The following TM9SF4 variants were observed in gnomAD, a reference collection of about 807,000 sequenced individuals.
TM9SF4 encodes the protein transmembrane 9 superfamily member 4.
Under a neutral mutation model 90.4 loss-of-function variants are expected in TM9SF4, and 26 were observed. The observed-to-expected ratio is 0.29, with a 90% confidence interval of 0.21 to 0.40. The LOEUF is 0.40. Ranked by LOEUF, TM9SF4 falls within the 10% of genes least tolerant of loss-of-function variation. TM9SF4 has a pLI of 1.00. For synonymous variants in TM9SF4, 293 were observed against 315.4 expected, an observed-to-expected ratio of 0.93 and a Z score of 0.75; for missense variants, 549 against 834.8, an observed-to-expected ratio of 0.66 and a Z score of 4.22.
Position 32,141,040 on chromosome 20 carries a change from AC to A in TM9SF4, c.230-453del, listed in dbSNP as rs554541067. Among the ~76,000 whole-genome samples the A allele has an allele frequency of 4.7e-4, 71 of 151,800 alleles. No individual in the cohort carries two copies. In the East Asian group the frequency reaches 0.013, roughly 27 times the overall value. Reference sequence around the variant, plus strand: ...AGACCATCCTGGCTAACAGGGTGAAACCCCGTCTCTACTAAAAATACAAAAA... The same window carrying A: ...AGACCATCCTGGCTAACAGGGTGAAACCCGTCTCTACTAAAAATACAAAAA... On this transcript the variant is annotated intron_variant, in intron 3 of 17. Transcript: ENST00000398022.
At chr20:32,146,044 C>T (rs2046757844) in intron 8 of TM9SF4, among the ~76,000 whole-genome samples, 1 of 152,208 alleles carries the variant, frequency 6.6e-6, no homozygotes, top group South Asian at 2.1e-4. Flanking sequence ...GGTAGAATGA[C>T]ACTGATGGTT....
rs746687547 is a variant in TM9SF4, at chr20:32,157,853, C to T, written c.1389C>T (p.Leu463=). ...TGTGGTTCGGGATCTCCCTGCCCCTCGTCTACTTGGGCTACTACTTCGGCT... is the reference window on the plus strand; with the variant it reads ...TGTGGTTCGGGATCTCCCTGCCCCTTGTCTACTTGGGCTACTACTTCGGCT... ...LCMWFGISLP[L]VYLGYYFGFR... Residue 463 remains leucine, a synonymous_variant, in exon 14 of 18, where the codon CTC becomes CTT. Coordinates refer to ENST00000398022, the MANE Select transcript of TM9SF4 (RefSeq NM_014742.4). 6.2e-6 allele frequency: 10 copies of T among 1,614,024 alleles called. No homozygotes were observed. Among genetic ancestry groups the T allele is most frequent in the East Asian group, 2.2e-5 (1 of 44,878 alleles).
intron 13 of TM9SF4, among the ~76,000 whole-genome samples, chr20:32,156,942 C>CTTTTTT (rs71185385): frequency 0.018 from 1,862 of 103,346 alleles, 176 homozygotes; most frequent in African/African-American, 0.054. Flanking sequence ...TGGACATTTT[C>CTTTTTT]TTTTTTTTTT....
At chr20:32,126,068 A>AACACACACACACAC (rs71185382) in intron 1 of TM9SF4, among the ~76,000 whole-genome samples, 1,611 of 138,638 alleles carry the variant, frequency 0.012, 35 homozygotes, top group African/African-American at 0.018. Flanking sequence ...CTTTCCCGTA[A>AACACACACACACAC]ACACACACAC....
At chr20:32,138,593 G>A (rs1391861189) in intron 3 of TM9SF4, among the ~76,000 whole-genome samples, 2 of 152,252 alleles carry the variant, frequency 1.3e-5, no homozygotes, top group Non-Finnish European at 2.9e-5. Context: ...GGAGGCAGAG[G>A]TTGCAGTGAG....
chr20:32,126,822 G>A (rs561571173), intron 1 of TM9SF4, among the ~76,000 whole-genome samples: 188 of 151,528 alleles, frequency 1.2e-3, no homozygotes, highest in Non-Finnish European at 2.3e-3. Context: ...TGCAACCTGC[G>A]CCTCCTGGGT....
intron 2 of TM9SF4, among the ~76,000 whole-genome samples, chr20:32,135,137 G>T (rs1310094048): frequency 6.6e-6 from 1 of 152,078 alleles, no homozygotes; most frequent in Non-Finnish European, 1.5e-5. Context: ...GTTCTATTTT[G>T]TCTGTGGTTT....
At position 32,133,064 on chromosome 20, in the gene TM9SF4, G is replaced by A. The variant is rs1314135481; in HGVS notation, c.67G>A (p.Ala23Thr). 6 of 1,614,118 alleles carry A rather than the reference G, an allele frequency of 3.7e-6. No homozygotes were observed. The highest frequency in any genetic ancestry group is 5.1e-6 in the Non-Finnish European group (6 of 1,180,018). The stretch of plus-strand genomic sequence containing the variant: ...TTTCTCCCTGATGTGTGAAACAAGC[G>A]CCTTCTATGTGCCTGGGGTCGCGCC... Reference protein sequence around the residue: ...LLFSLMCETSAFYVPGVAPIN... With the variant: ...LLFSLMCETSTFYVPGVAPIN... The change falls in exon 2 of 18, where the codon GCC (alanine) becomes ACC (threonine). Residue 23 changes from alanine (A) to threonine (T), a missense_variant. By Grantham distance (58) the Ala-to-Thr change is moderately conservative. Coordinates refer to ENST00000398022, the MANE Select transcript of TM9SF4 (RefSeq NM_014742.4).
chr20:32,154,721 G>A (rs1199850576), intron 12 of TM9SF4, among the ~76,000 whole-genome samples: 2 of 152,208 alleles, frequency 1.3e-5, no homozygotes, highest in Non-Finnish European at 2.9e-5. Flanking sequence ...CCAAAGTGCT[G>A]GGATTGCAGG....
Position 32,145,308 on chromosome 20 carries a change from C to T in TM9SF4, c.772-4C>T. On this transcript the variant is annotated splice_region_variant and splice_polypyrimidine_tract_variant and intron_variant, in intron 7 of 17. Coordinates refer to ENST00000398022, the MANE Select transcript of TM9SF4 (RefSeq NM_014742.4). ...GACTCTAAGTGCTTCCTCCCACCTG[C>T]CAGGAAAGTGATATCAAATGGGCCT... The T allele has an allele frequency of 6.2e-7, 1 of 1,613,930 alleles. No homozygotes were observed. Among genetic ancestry groups the T allele is most frequent in the Non-Finnish European group, 8.5e-7 (1 of 1,179,828 alleles).
intron 12 of TM9SF4, among the ~76,000 whole-genome samples, chr20:32,154,125 C>T (rs1297144846): frequency 1.3e-5 from 2 of 152,110 alleles, no homozygotes; most frequent in Non-Finnish European, 2.9e-5. Flanking sequence ...CCCAGACATA[C>T]GTGTTTTGTT....
intron 3 of TM9SF4, among the ~76,000 whole-genome samples, chr20:32,139,942 C>T (rs1388246656): frequency 1.3e-5 from 2 of 152,246 alleles, no homozygotes; most frequent in Non-Finnish European, 2.9e-5. Flanking sequence ...AGACCCACTC[C>T]CCTGTGTCTG....
chr20:32,146,786 T>C lies in TM9SF4; in HGVS notation c.885T>C (p.Gly295=), dbSNP rs745314626. The C allele has an allele frequency of 7.4e-6, 12 of 1,614,060 alleles. No homozygotes were observed. The South Asian group carries it at 1.3e-4, about 18-fold the overall frequency. ...NSVVVVFFLS[G]ILSMIIIRTL... Reference sequence around the variant, plus strand: ...CATCCTCACCGCCATCTATTTCAGGTATCCTGAGCATGATTATCATTCGGA... The same window carrying C: ...CATCCTCACCGCCATCTATTTCAGGCATCCTGAGCATGATTATCATTCGGA... The change falls in exon 9 of 18, where the codon GGT becomes GGC. Residue 295 remains glycine, a splice_region_variant and synonymous_variant. Transcript: ENST00000398022.
chr20:32,163,677 T>C (rs908122352), intron 17 of TM9SF4, among the ~76,000 whole-genome samples: 2 of 148,708 alleles, frequency 1.3e-5, no homozygotes, highest in African/African-American at 5.0e-5. Context: ...AGTGGTGCGA[T>C]CTTGGCTCGC....
intron 1 of TM9SF4, among the ~76,000 whole-genome samples, chr20:32,123,439 T>G (rs1170551288): frequency 6.6e-6 from 1 of 151,548 alleles, no homozygotes; most frequent in Non-Finnish European, 1.5e-5. Flanking sequence ...GTTTTTAAAT[T>G]ATGAATGATG....
intron 6 of TM9SF4, 30 bp from the exon 7 acceptor site, chr20:32,145,061 A>C (rs200677700): frequency 2.5e-6 from 4 of 1,609,744 alleles, no homozygotes; most frequent in Non-Finnish European, 3.4e-6. Context: ...TGGCCACCAC[A>C]GGAACAGACT....
intron 17 of TM9SF4, 151 bp from the exon 18 acceptor site, chr20:32,165,144 A>C (rs1600355432): frequency 1.1e-6 from 1 of 947,440 alleles, no homozygotes; most frequent in Non-Finnish European, 1.6e-6. Flanking sequence ...GTGCCCATGA[A>C]CCCTGCCTGC....
intron 1 of TM9SF4, among the ~76,000 whole-genome samples, chr20:32,121,122 T>C (rs994011052): frequency 6.6e-6 from 1 of 152,166 alleles, no homozygotes; most frequent in African/African-American, 2.4e-5. Flanking sequence ...CTTTGGCACG[T>C]GGTTTTTAAA....
At position 32,166,796 on chromosome 20, in the gene TM9SF4, G is replaced by T. The variant is rs2047104871; in HGVS notation, c.*1352G>T. On this transcript the variant is annotated 3_prime_UTR_variant, in exon 18 of 18. Transcript: ENST00000398022. ...AGACCACATCCACCCAGGGATTAGGGTTCAAGTAGCAGCTGCTAACCCTTG... is the reference window on the plus strand; with the variant it reads ...AGACCACATCCACCCAGGGATTAGGTTTCAAGTAGCAGCTGCTAACCCTTG... The T allele has an allele frequency of 6.6e-6, 1 of 152,162 alleles. No homozygotes were observed. The highest frequency in any genetic ancestry group is 1.5e-5 in the Non-Finnish European group (1 of 68,062). 9.4% of individuals were successfully genotyped at this position (152,162 alleles called of 1,614,324 possible).
Sources: allele counts gnomAD v4.1 joint callset (sites outside exome capture counted in the v4.1 genomes callset), GRCh38; gene constraint gnomAD v4.1.1; transcripts MANE v1.5; gene names NCBI Gene and HGNC (gene_info 2026-07-23, HGNC 2026-07-21).